The following TSPAN2 variants were observed in gnomAD, a reference collection of about 807,000 sequenced individuals.
The protein encoded by TSPAN2 is tetraspanin-2.
In TSPAN2, 24 loss-of-function variants were observed where a neutral mutation model predicts 33.3. That is an observed-to-expected ratio of 0.72 (90% CI 0.52 to 1.01). The LOEUF is 1.01. Among genes scored for constraint, TSPAN2 ranks in the 50% least tolerant of loss-of-function variants. The pLI, the probability that TSPAN2 is intolerant of heterozygous loss-of-function variation, is 0.00. For missense variants in TSPAN2, 278 were observed against 281.3 expected, an observed-to-expected ratio of 0.99 and a Z score of 0.08; for synonymous variants, 114 against 104.5, an observed-to-expected ratio of 1.09 and a Z score of -0.56.
At chr1:115,077,013 C>T (rs55675132) in intron 1 of TSPAN2, among the ~76,000 whole-genome samples, 32,242 of 151,588 alleles carry the variant, frequency 0.21, 3,915 homozygotes, top group Non-Finnish European at 0.28. Context: ...CTCAACTTCC[C>T]GGGCTCTAGC....
rs545022728 is a variant in TSPAN2 at position 115,088,821 on chromosome 1, C to G, written c.69+543G>C. Reference sequence around the variant, plus strand: ...TGCCCAGAAAAAGGACGACGCCCCCCCACCACAATTTTCACTCCTATCTCC... The same window carrying G: ...TGCCCAGAAAAAGGACGACGCCCCCGCACCACAATTTTCACTCCTATCTCC... On this transcript the variant is annotated intron_variant, in intron 1 of 7. Coordinates refer to ENST00000369516, the MANE Select transcript of TSPAN2 (RefSeq NM_005725.6). Among the ~76,000 whole-genome samples the G allele has an allele frequency of 9.9e-5, 15 of 152,250 alleles. No individual in the cohort carries two copies. In the East Asian group the frequency reaches 2.9e-3, roughly 29 times the overall value.
At chr1:115,070,712 G>A (rs1346639665) in intron 2 of TSPAN2, among the ~76,000 whole-genome samples, 1 of 151,964 alleles carries the variant, frequency 6.6e-6, no homozygotes, top group Non-Finnish European at 1.5e-5. Context: ...TTACAGCCTG[G>A]TCTTTAAAAC....
In TSPAN2 at chr1:115,059,103, T is replaced by C. The variant is rs1218897764; in HGVS notation, c.346-122A>G. On this transcript the variant is annotated intron_variant, in intron 4 of 7. Transcript: ENST00000369516. ...AACACTGCCTTTCTCATAAGAATGA[T>C]ACAATGGACTTTGGGGACTCAGGGG... is the stretch of plus-strand genomic sequence containing the variant. The C allele has an allele frequency of 5.5e-5, 42 of 769,246 alleles. No individual in the cohort carries two copies. The South Asian group carries it at 6.4e-4, about 12-fold the overall frequency. 47.7% of individuals were successfully genotyped at this position (769,246 alleles called of 1,614,324 possible).
At chr1:115,053,323 G>A in intron 7 of TSPAN2, 56 bp downstream of exon 7, 2 of 1,471,656 alleles carry the variant, frequency 1.4e-6, no homozygotes, top group South Asian at 2.3e-5. Context: ...GAAATAAGAT[G>A]CAAAGTTTCA....
At chr1:115,086,262 G>A (rs1315181427) in intron 1 of TSPAN2, among the ~76,000 whole-genome samples, 1 of 152,176 alleles carries the variant, frequency 6.6e-6, no homozygotes, top group Non-Finnish European at 1.5e-5. Context: ...GCACAGATGA[G>A]AAAACAAGCC....
intron 2 of TSPAN2, among the ~76,000 whole-genome samples, chr1:115,064,829 T>C (rs528804108): frequency 6.6e-6 from 1 of 152,096 alleles, no homozygotes; most frequent in South Asian, 2.1e-4. Context: ...CCCTGGAATA[T>C]GTGAAAGAGG....
chr1:115,058,955 A>T lies in TSPAN2; in HGVS notation c.372T>A (p.Tyr124Ter). Reference protein sequence around the residue: ...GVAIRHVQTMYEEAYNDYLKD... With the variant: ...GVAIRHVQTM ...TAAGGTAATCATTGTAAGCCTCTTC[A>T]TACATGGTCTGAACATGTCGGATAG... is the stretch of plus-strand genomic sequence containing the variant. The change falls in exon 5 of 8, where the codon TAT (tyrosine) becomes TAA (stop). Residue 124 changes from tyrosine to a stop codon, truncating the protein, a stop_gained. Coordinates refer to ENST00000369516, the MANE Select transcript of TSPAN2 (RefSeq NM_005725.6). LOFTEE classifies it high-confidence loss of function. 6.2e-7 allele frequency: 1 copy of T among 1,614,112 alleles called. No homozygotes were observed. The highest frequency in any genetic ancestry group is 8.5e-7 in the Non-Finnish European group (1 of 1,179,980).
intron 1 of TSPAN2, among the ~76,000 whole-genome samples, chr1:115,082,801 C>G (rs1648676971): frequency 6.6e-6 from 1 of 152,174 alleles, no homozygotes; most frequent in African/African-American, 2.4e-5. Flanking sequence ...AGCAGCATTT[C>G]TTATACCTTA....
intron 2 of TSPAN2, among the ~76,000 whole-genome samples, chr1:115,070,923 C>T (rs1648145632): frequency 6.6e-6 from 1 of 152,102 alleles, no homozygotes; most frequent in South Asian, 2.1e-4. Context: ...CAGCAGAGCC[C>T]AGGACTGTGA....
chr1:115,050,207 TA>T lies in TSPAN2; in HGVS notation c.*282del. 1 of 388,608 alleles carries T rather than the reference TA, an allele frequency of 2.6e-6. No individual in the cohort carries two copies. Among genetic ancestry groups the T allele is most frequent in the Non-Finnish European group, 4.6e-6 (1 of 216,380 alleles). 24.1% of individuals were successfully genotyped at this position (388,608 alleles called of 1,614,324 possible). ...AGCGAAATAGGTTGTTCTTCTTATA[TA>T]ACAAGAATCAGGAATTCCCAGCAAA... On this transcript the variant is annotated 3_prime_UTR_variant, in exon 8 of 8. Coordinates refer to ENST00000369516, the MANE Select transcript of TSPAN2 (RefSeq NM_005725.6).
Position 115,048,296 on chromosome 1 carries a change from T to C in TSPAN2, c.*2194A>G, listed in dbSNP as rs1230585383. 9.4e-5 allele frequency: 1 copy of C among 10,612 alleles called. No individual in the cohort carries two copies. The highest frequency in any genetic ancestry group is 2.9e-3 in the South Asian group (1 of 340). 0.7% of individuals were successfully genotyped at this position (10,612 alleles called of 1,614,324 possible). A position where few individuals can be genotyped will look rare whatever the true frequency, so the allele number is the denominator to read the frequency against. ...TATATATCTATATATATTATATGTG[T>C]GTCTATACAGATATATATATATATA... On this transcript the variant is annotated 3_prime_UTR_variant, in exon 8 of 8. Transcript: ENST00000369516.
At chr1:115,072,001 T>C (rs2101038756) in intron 2 of TSPAN2, among the ~76,000 whole-genome samples, 1 of 152,320 alleles carries the variant, frequency 6.6e-6, no homozygotes, top group East Asian at 1.9e-4. Context: ...CAACTGAAGC[T>C]TACTCTATGG....
At chr1:115,071,299 A>G (rs1648164968) in intron 2 of TSPAN2, among the ~76,000 whole-genome samples, 1 of 152,210 alleles carries the variant, frequency 6.6e-6, no homozygotes, top group African/African-American at 2.4e-5. Context: ...GAGATTCTGA[A>G]AAAGGTTTTA....
chr1:115,062,208 C>A lies in TSPAN2; in HGVS notation c.197G>T (p.Gly66Val). 6.3e-7 allele frequency: 1 copy of A among 1,594,632 alleles called. No individual in the cohort carries two copies. Among genetic ancestry groups the A allele is most frequent in the East Asian group, 2.3e-5 (1 of 43,958 alleles). ...GAACCCCACGGCCATCATCAGGGCC[C>A]CGGCTCCAACCAGAACATACAGCCC... is the stretch of plus-strand genomic sequence containing the variant. ...YVGLYVLVGA[G>V]ALMMAVGFFG... The change falls in exon 3 of 8, where the codon GGG (glycine) becomes GTG (valine). Residue 66 changes from glycine (G) to valine (V), a missense_variant. Transcript: ENST00000369516.
intron 1 of TSPAN2, among the ~76,000 whole-genome samples, chr1:115,085,447 G>A (rs1414880308): frequency 2.0e-5 from 3 of 152,134 alleles, no homozygotes; most frequent in African/African-American, 7.2e-5. Context: ...TTAAATCGCA[G>A]ATCACCAAAC....
intron 2 of TSPAN2, among the ~76,000 whole-genome samples, 187 bp downstream of exon 2, chr1:115,072,718 C>A (rs540449160): frequency 1.1e-3 from 161 of 152,298 alleles, no homozygotes; most frequent in Non-Finnish European, 1.9e-3. Flanking sequence ...AGCCTCTCTA[C>A]CTGTCTCCAG....
chr1:115,050,628 G>A, intron 7 of TSPAN2, 73 bp from the exon 8 acceptor site: 5 of 1,185,958 alleles, frequency 4.2e-6, no homozygotes, highest in Middle Eastern at 3.8e-4. Context: ...CAGACTTCCT[G>A]GGTGTCTAAC....
At chr1:115,058,537 G>T (rs917433757) in intron 5 of TSPAN2, 13 of 282,168 alleles carry the variant, frequency 4.6e-5, no homozygotes, top group African/African-American at 2.8e-4. Flanking sequence ...CTGACTTACA[G>T]GTCACACTTG....
intron 6 of TSPAN2, among the ~76,000 whole-genome samples, chr1:115,055,272 A>T (rs1019005984): frequency 6.6e-6 from 1 of 152,048 alleles, no homozygotes; most frequent in African/African-American, 2.4e-5. Context: ...TACAAAAGGT[A>T]TATTGGCTTT....
Sources: gnomAD v4.1 joint callset for allele counts (sites outside exome capture counted in the v4.1 genomes callset) on GRCh38, gnomAD v4.1.1 for gene constraint, MANE v1.5 for transcripts, NCBI Gene and HGNC (gene_info 2026-07-23, HGNC 2026-07-21) for gene names.